ERICH6B: variants seen among roughly 807,000 people sequenced by gnomAD.
ERICH6B encodes glutamate rich 6B.
ERICH6B carries 69 observed loss-of-function variants against 80.0 expected under a neutral mutation model. The observed-to-expected ratio is 0.86, with a 90% CI of 0.71 to 1.05. The LOEUF is 1.05. Among genes scored for constraint, ERICH6B ranks in the 50% least tolerant of loss-of-function variants. ERICH6B has a pLI of 0.00. For synonymous variants in ERICH6B, 283 were observed against 291.9 expected (o/e 0.97, Z 0.31); for missense variants, 754 against 796.1 (o/e 0.95, Z 0.64).
At position 45,580,803 on chromosome 13, in the gene ERICH6B, C is replaced by T. The variant is rs186493801; in HGVS notation, c.857-138G>A. 343 of 775,894 alleles carry T rather than the reference C, an allele frequency of 4.4e-4. No homozygotes were observed. In the African/African-American group the frequency reaches 4.5e-3, roughly 10 times the overall value. The allele number at this position is 775,894 out of a possible 1,614,324, so 48.1% of individuals were successfully genotyped here. ...AACAGTTGGGGGGAACTGAGGCTGG[C>T]GGCACAGCTGGCATATATAGATGCC... On this transcript the variant is annotated intron_variant, in intron 5 of 14. Coordinates refer to ENST00000298738, the MANE Select transcript of ERICH6B (RefSeq NM_182542.3).
chr13:45,579,782 T>TG (rs1875578304), intron 7 of ERICH6B, 151 bp downstream of exon 7: 1 of 664,044 alleles, frequency 1.5e-6, no homozygotes, highest in Non-Finnish European at 2.6e-6. Flanking sequence ...TGAGGAGGTT[T>TG]GGGGTCCGTG....
At chr13:45,580,908 T>C (rs1875630410) in intron 5 of ERICH6B, among the ~76,000 whole-genome samples, 2 of 152,184 alleles carry the variant, frequency 1.3e-5, no homozygotes, top group African/African-American at 2.4e-5. Context: ...TGTAACCCTG[T>C]TGTGGCCTTC....
At chr13:45,554,055 C>T (rs1421000292) in intron 11 of ERICH6B, among the ~76,000 whole-genome samples, 6 of 151,846 alleles carry the variant, frequency 4.0e-5, no homozygotes, top group Admixed American at 3.9e-4. Context: ...AGCTTTAGTC[C>T]CCATGATGTA....
intron 8 of ERICH6B, among the ~76,000 whole-genome samples, chr13:45,573,775 T>C (rs560958562): frequency 1.9e-4 from 29 of 152,310 alleles, no homozygotes; most frequent in African/African-American, 6.7e-4. Flanking sequence ...CCACCTGATA[T>C]AGCAAAACAT....
At chr13:45,545,019 G>A (rs150594596) in intron 13 of ERICH6B, 34 bp from the exon 14 acceptor site, 1 of 1,532,084 alleles carries the variant, frequency 6.5e-7, no homozygotes, top group Non-Finnish European at 8.8e-7. Flanking sequence ...GGCAGCCAGG[G>A]CGCTCAGCCC....
chr13:45,588,329 C>T (rs1254670907), intron 4 of ERICH6B, among the ~76,000 whole-genome samples: 1 of 152,296 alleles, frequency 6.6e-6, no homozygotes, highest in East Asian at 1.9e-4. Flanking sequence ...TGTGCCGGCC[C>T]AGCAGCCTGG....
At chr13:45,602,024 G>A (rs2138029861) in intron 2 of ERICH6B, among the ~76,000 whole-genome samples, 1 of 152,312 alleles carries the variant, frequency 6.6e-6, no homozygotes, top group Non-Finnish European at 1.5e-5. Context: ...GTGTGTTGTG[G>A]GTCCTTCTGA....
intron 2 of ERICH6B, among the ~76,000 whole-genome samples, chr13:45,598,432 C>G (rs910318358): frequency 6.6e-6 from 1 of 152,134 alleles, no homozygotes; most frequent in Non-Finnish European, 1.5e-5. Context: ...ACTGAAGAGG[C>G]AACCGGACCA....
intron 2 of ERICH6B, among the ~76,000 whole-genome samples, chr13:45,602,314 C>A (rs899121804): frequency 1.2e-4 from 18 of 152,204 alleles, no homozygotes; most frequent in African/African-American, 4.1e-4. Context: ...GAGAGAACTG[C>A]CCTCACAATG....
chr13:45,563,683 C>G (rs1566290567), intron 10 of ERICH6B, 44 bp downstream of exon 10: 5 of 1,511,300 alleles, frequency 3.3e-6, no homozygotes, highest in Non-Finnish European at 4.5e-6. Flanking sequence ...GGGATGCAGA[C>G]AGGAGAGCCA....
chr13:45,584,603 A>G (rs1005050401), intron 5 of ERICH6B, among the ~76,000 whole-genome samples: 1 of 152,174 alleles, frequency 6.6e-6, no homozygotes, highest in Admixed American at 6.5e-5. Context: ...AGATTCCAGG[A>G]TGTTTCAGGC....
intron 7 of ERICH6B, 70 bp downstream of exon 7, chr13:45,579,863 G>C: frequency 1.4e-6 from 2 of 1,476,152 alleles, no homozygotes; most frequent in Non-Finnish European, 1.9e-6. Context: ...CACCTGCTAG[G>C]GGCACCTTCC....
chr13:45,563,793 A>G lies in ERICH6B; in HGVS notation c.1188-5T>C. ...TTTTCATAATTTTTCTTCAGCCTAA[A>G]AGGAAAGTGGATCATCTTTAGAAGC... is the stretch of plus-strand genomic sequence containing the variant. On this transcript the variant is annotated splice_region_variant and splice_polypyrimidine_tract_variant and intron_variant, in intron 9 of 14. Coordinates refer to ENST00000298738, the MANE Select transcript of ERICH6B (RefSeq NM_182542.3). The G allele has an allele frequency of 6.4e-7, 1 of 1,551,882 alleles. No homozygotes were observed. Among genetic ancestry groups the G allele is most frequent in the South Asian group, 1.2e-5 (1 of 84,056 alleles).
At chr13:45,576,434 C>T (rs1875406645) in intron 7 of ERICH6B, among the ~76,000 whole-genome samples, 1 of 152,054 alleles carries the variant, frequency 6.6e-6, no homozygotes, top group South Asian at 2.1e-4. Flanking sequence ...GAACTGTCTG[C>T]CATGGAAATG....
intron 11 of ERICH6B, among the ~76,000 whole-genome samples, chr13:45,559,376 C>G (rs1448638204): frequency 6.6e-6 from 1 of 151,048 alleles, no homozygotes; most frequent in Non-Finnish European, 1.5e-5. Flanking sequence ...ATTTTTCTTT[C>G]TTTTTGTTTC....
At chr13:45,606,611 T>C (rs1949868441) in intron 2 of ERICH6B, among the ~76,000 whole-genome samples, 1 of 137,962 alleles carries the variant, frequency 7.2e-6, no homozygotes, top group Non-Finnish European at 1.5e-5. Context: ...CAGAGTGCAG[T>C]GGTGTAATCT....
At chr13:45,557,004 G>A (rs978241156) in intron 11 of ERICH6B, among the ~76,000 whole-genome samples, 7 of 152,114 alleles carry the variant, frequency 4.6e-5, no homozygotes, top group South Asian at 2.1e-4. Flanking sequence ...GTTCTTTAAG[G>A]AATCTCCACA....
At chr13:45,609,906 C>T (rs146232683) in intron 1 of ERICH6B, among the ~76,000 whole-genome samples, 6 of 152,222 alleles carry the variant, frequency 3.9e-5, no homozygotes, top group South Asian at 2.1e-4. Context: ...ATCTGGCCAA[C>T]CTTCGTCTTG....
At chr13:45,563,636 AC>A in intron 10 of ERICH6B, 90 bp downstream of exon 10, 1 of 1,199,464 alleles carries the variant, frequency 8.3e-7, no homozygotes, top group Middle Eastern at 1.9e-4. Context: ...GAGCCCTTCC[AC>A]CTTCTTTACA....
Sources: gnomAD v4.1 joint callset for allele counts (sites outside exome capture counted in the v4.1 genomes callset) on GRCh38, gnomAD v4.1.1 for gene constraint, MANE v1.5 for transcripts, NCBI Gene and HGNC (gene_info 2026-07-23, HGNC 2026-07-21) for gene names.